Variants in BEND7 observed in about 807,000 individuals in gnomAD.
The protein encoded by BEND7 is BEN domain containing 7.
In BEND7, 28 loss-of-function variants were observed where a neutral mutation model predicts 50.9. That is an observed-to-expected ratio of 0.55 (90% CI 0.41 to 0.75). The LOEUF is 0.75. Among genes scored for constraint, BEND7 ranks in the 30% least tolerant of loss-of-function variants. The probability of loss-of-function intolerance (pLI) is 0.00; values close to 1 mark genes in which losing one functional copy is unlikely to be tolerated. For missense variants in BEND7, 477 were observed against 491.3 expected (o/e 0.97, Z 0.28); for synonymous variants, 170 against 183.9 (o/e 0.92, Z 0.61).
At chr10:13,488,729 C>T (rs1006408983) in intron 5 of BEND7, among the ~76,000 whole-genome samples, 5 of 152,306 alleles carry the variant, frequency 3.3e-5, no homozygotes, top group Non-Finnish European at 5.9e-5. Context: ...CCTCCTGATC[C>T]GCCCGCCTTG....
intron 5 of BEND7, among the ~76,000 whole-genome samples, chr10:13,488,200 A>T (rs1232495304): frequency 6.6e-6 from 1 of 152,018 alleles, no homozygotes. Flanking sequence ...GTATTACTGG[A>T]GACTATTTAT....
chr10:13,455,166 T>C (rs539487191), intron 6 of BEND7, among the ~76,000 whole-genome samples: 1 of 152,126 alleles, frequency 6.6e-6, no homozygotes, highest in Admixed American at 6.5e-5. Flanking sequence ...AGCAAGACTC[T>C]GACTCAAACA....
chr10:13,519,317 T>C (rs1589059878), intron 2 of BEND7, among the ~76,000 whole-genome samples: 1 of 151,234 alleles, frequency 6.6e-6, no homozygotes, highest in Non-Finnish European at 1.5e-5. Flanking sequence ...CTAAAAAAAA[T>C]ACAAAAAAAT....
rs187263044 is a variant in BEND7, at chr10:13,489,133, A to G, written c.837+3478T>C. 3.3e-3 allele frequency among the ~76,000 whole-genome samples: 505 copies of G among 152,268 alleles called. 1 individual carries two copies. Among genetic ancestry groups the G allele is most frequent in the Non-Finnish European group, 5.8e-3 (396 of 67,996 alleles). On this transcript the variant is annotated intron_variant, in intron 5 of 8. Coordinates refer to ENST00000466271, the MANE Select transcript of BEND7 (RefSeq NM_001369863.1). Reference sequence around the variant, plus strand: ...TTCATCTAATTCCTCCAATGGGCCAATCCCAGGAGGGAAGCACTTGCTATC... The same window carrying G: ...TTCATCTAATTCCTCCAATGGGCCAGTCCCAGGAGGGAAGCACTTGCTATC...
intron 5 of BEND7, among the ~76,000 whole-genome samples, chr10:13,486,120 C>G (rs2076205121): frequency 6.6e-6 from 1 of 152,202 alleles, no homozygotes; most frequent in African/African-American, 2.4e-5. Context: ...CTTCAGTGAT[C>G]CTCCCTCCTC....
At chr10:13,451,961 A>C (rs1359641894) in intron 7 of BEND7, among the ~76,000 whole-genome samples, 1 of 152,180 alleles carries the variant, frequency 6.6e-6, no homozygotes, top group Non-Finnish European at 1.5e-5. Flanking sequence ...CTGAGACTTC[A>C]GTGACCAAAT....
chr10:13,510,883 CA>C (rs1366107758), intron 2 of BEND7, among the ~76,000 whole-genome samples: 1 of 150,680 alleles, frequency 6.6e-6, no homozygotes, highest in East Asian at 2.0e-4. Flanking sequence ...AAAAAAAAAA[CA>C]AACTAGTCAA....
Position 13,441,218 on chromosome 10 carries a change from A to T in BEND7, c.*525T>A. On this transcript the variant is annotated 3_prime_UTR_variant, in exon 9 of 9. Coordinates refer to ENST00000466271, the MANE Select transcript of BEND7 (RefSeq NM_001369863.1). ...CATTGAATTCTTTTTTAAAGAACAT[A>T]GTAATTTTAAAAAATCTAAATATTT... The T allele has an allele frequency of 4.3e-6, 4 of 925,922 alleles. No individual in the cohort carries two copies. The highest frequency in any genetic ancestry group is 5.2e-6 in the Non-Finnish European group (4 of 775,926). 57.4% of individuals were successfully genotyped at this position (925,922 alleles called of 1,614,324 possible).
At chr10:13,466,575 T>C (rs1444200479) in intron 6 of BEND7, among the ~76,000 whole-genome samples, 1 of 151,760 alleles carries the variant, frequency 6.6e-6, no homozygotes, top group Non-Finnish European at 1.5e-5. Flanking sequence ...AAAAAAATTA[T>C]GGATTTATAG....
chr10:13,448,541 T>C (rs971392918), intron 7 of BEND7, among the ~76,000 whole-genome samples: 2 of 152,192 alleles, frequency 1.3e-5, no homozygotes, highest in African/African-American at 2.4e-5. Flanking sequence ...CTAGAAATAT[T>C]GTATGGCTCC....
chr10:13,462,320 A>G (rs1400978265), intron 6 of BEND7, among the ~76,000 whole-genome samples: 1 of 152,230 alleles, frequency 6.6e-6, no homozygotes, highest in Admixed American at 6.5e-5. Flanking sequence ...GAGCAAAGGC[A>G]CATTTTACAT....
chr10:13,502,777 G>A (rs1040682369), intron 2 of BEND7: 9 of 339,500 alleles, frequency 2.7e-5, no homozygotes, highest in African/African-American at 2.0e-4. Flanking sequence ...AGCCTTCTCT[G>A]GCACAGGTTG....
At chr10:13,448,914 G>GCA (rs941670314) in intron 7 of BEND7, among the ~76,000 whole-genome samples, 69 of 151,084 alleles carry the variant, frequency 4.6e-4, no homozygotes, top group Non-Finnish European at 1.3e-4. Context: ...GGCGGAGCTT[G>GCA]GTGAGCCGAG....
chr10:13,528,182 T>C (rs1253133309), intron 1 of BEND7, among the ~76,000 whole-genome samples: 1 of 151,956 alleles, frequency 6.6e-6, no homozygotes, highest in East Asian at 1.9e-4. Flanking sequence ...GCCCCAGCCC[T>C]GCCCCGGAGG....
intron 1 of BEND7, among the ~76,000 whole-genome samples, 185 bp downstream of exon 1, chr10:13,528,288 C>G (rs551434342): frequency 6.6e-6 from 1 of 151,790 alleles, no homozygotes; most frequent in Non-Finnish European, 1.5e-5. Flanking sequence ...CCCTGCTCCC[C>G]CCGCACAACT....
chr10:13,475,285 A>G (rs2075340906), intron 6 of BEND7, among the ~76,000 whole-genome samples: 1 of 152,232 alleles, frequency 6.6e-6, no homozygotes, highest in African/African-American at 2.4e-5. Context: ...AGCAGATCTG[A>G]TATGTAAAAA....
intron 2 of BEND7, among the ~76,000 whole-genome samples, chr10:13,507,936 T>C (rs2078013057): frequency 6.6e-6 from 1 of 152,240 alleles, no homozygotes; most frequent in African/African-American, 2.4e-5. Context: ...ACCAGGATTA[T>C]ACTATATGGT....
At chr10:13,448,483 G>A (rs1006215193) in intron 7 of BEND7, among the ~76,000 whole-genome samples, 4 of 152,178 alleles carry the variant, frequency 2.6e-5, no homozygotes, top group African/African-American at 7.2e-5. Context: ...CTAGTGCTAC[G>A]TACTTGTTTT....
intron 2 of BEND7, among the ~76,000 whole-genome samples, chr10:13,508,423 C>T (rs1005308718): frequency 2.6e-5 from 4 of 152,148 alleles, no homozygotes; most frequent in South Asian, 4.1e-4. Context: ...TTCCTGAAGC[C>T]GCCCTTGGAA....
Sources: allele counts gnomAD v4.1 joint callset (sites outside exome capture counted in the v4.1 genomes callset), GRCh38; gene constraint gnomAD v4.1.1; transcripts MANE v1.5; gene names NCBI Gene and HGNC (gene_info 2026-07-23, HGNC 2026-07-21).